Variants in RTTN observed in about 807,000 individuals in gnomAD.
RTTN encodes rotatin.
A neutral mutation model predicts 269.2 loss-of-function variants in RTTN; 182 were observed. The ratio of observed to expected loss-of-function variants is 0.68; its 90% CI spans 0.60 to 0.76. The LOEUF is 0.76. Ranked by LOEUF, RTTN falls within the 30% of genes least tolerant of loss-of-function variation. The pLI is 0.00. For missense variants in RTTN, 2,545 were observed against 2,608.6 expected, an observed-to-expected ratio of 0.98 and a Z score of 0.53; for synonymous variants, 1,006 against 963.5, an observed-to-expected ratio of 1.04 and a Z score of -0.82.
chr18:70,169,008 C>T lies in RTTN; in HGVS notation c.1536G>A (p.Met512Ile), dbSNP rs2061065223. The change falls in exon 12 of 49, where the codon ATG becomes ATA. Residue 512 changes from methionine to isoleucine, a missense_variant. Physicochemically the swap from Met to Ile is conservative, Grantham distance 10. Coordinates refer to ENST00000640769, the MANE Select transcript of RTTN (RefSeq NM_173630.4). ...STALFLLSLD[M>I]PISLEYPNIH... The stretch of plus-strand genomic sequence containing the variant: ...TATTTGGATATTCCAAAGAAATAGG[C>T]ATGTCCAAAGAAAGGAGAAATAATG... 6.2e-7 allele frequency: 1 copy of T among 1,612,700 alleles called. No individual in the cohort carries two copies. The highest frequency in any genetic ancestry group is 1.7e-5 in the Admixed American group (1 of 59,954).
At chr18:70,139,259 C>T (rs1012666502) in intron 21 of RTTN, among the ~76,000 whole-genome samples, 6 of 151,960 alleles carry the variant, frequency 3.9e-5, no homozygotes, top group South Asian at 2.1e-4. Context: ...ACAAGAAAGA[C>T]GAAAGAGATA....
intron 36 of RTTN, among the ~76,000 whole-genome samples, chr18:70,059,448 G>T (rs1440359806): frequency 6.6e-6 from 1 of 152,010 alleles, no homozygotes; most frequent in Admixed American, 6.6e-5. Context: ...AACTCCAAAT[G>T]AATTTAACCA....
chr18:70,027,587 G>C (rs76788521), intron 43 of RTTN, among the ~76,000 whole-genome samples: 2,952 of 152,084 alleles, frequency 0.019, 94 homozygotes, highest in African/African-American at 0.066. Context: ...CCCTGAATAA[G>C]GTGTCATGAA....
At chr18:70,137,584 C>T (rs961296233) in intron 21 of RTTN, among the ~76,000 whole-genome samples, 10 of 152,218 alleles carry the variant, frequency 6.6e-5, no homozygotes, top group African/African-American at 2.4e-4. Context: ...TTCCCCTTCA[C>T]TCCACACTCC....
chr18:70,007,409 T>G (rs895339464), intron 46 of RTTN: 1 of 152,014 alleles, frequency 6.6e-6, no homozygotes, highest in African/African-American at 2.4e-5. Context: ...TGAGACAGAG[T>G]TGTTCAGTCC....
intron 21 of RTTN, among the ~76,000 whole-genome samples, chr18:70,138,035 T>C (rs148739911): frequency 0.066 from 10,084 of 152,168 alleles, 648 homozygotes; most frequent in African/African-American, 0.16. Context: ...TCCCAGCACT[T>C]TGGGAGGCCA....
chr18:70,113,335 TA>T (rs1423321592), intron 27 of RTTN, among the ~76,000 whole-genome samples: 1 of 151,920 alleles, frequency 6.6e-6, no homozygotes, highest in Non-Finnish European at 1.5e-5. Flanking sequence ...GAAATGCAAA[TA>T]AAAACCAAAA....
intron 28 of RTTN, among the ~76,000 whole-genome samples, chr18:70,094,480 T>C (rs753644933): frequency 4.6e-5 from 7 of 152,234 alleles, no homozygotes; most frequent in Non-Finnish European, 8.8e-5. Context: ...TCTGGTATAT[T>C]GTGTCTTTGT....
intron 18 of RTTN, among the ~76,000 whole-genome samples, chr18:70,144,449 T>C (rs1264818022): frequency 6.6e-6 from 1 of 152,208 alleles, no homozygotes; most frequent in Non-Finnish European, 1.5e-5. Flanking sequence ...AGTCCCTTAC[T>C]GTCACTTCAT....
intron 35 of RTTN, 66 bp from the exon 36 acceptor site, chr18:70,060,108 C>A: frequency 7.8e-7 from 1 of 1,275,736 alleles, no homozygotes. Context: ...CTCAAAAGTT[C>A]TTATAATCAT....
chr18:70,075,637 C>G, intron 32 of RTTN, 96 bp from the exon 33 acceptor site: 1 of 889,246 alleles, frequency 1.1e-6, no homozygotes, highest in South Asian at 2.2e-5. Flanking sequence ...CAAATGGGTC[C>G]CAGATGCTCC....
chr18:70,092,643 T>A, intron 29 of RTTN, 33 bp downstream of exon 29: 3 of 1,594,340 alleles, frequency 1.9e-6, no homozygotes, highest in Non-Finnish European at 1.7e-6. Context: ...TTCAAGCAAA[T>A]GTTCAGAAGA....
At chr18:70,090,076 G>A (rs1599478917) in intron 30 of RTTN, among the ~76,000 whole-genome samples, 1 of 152,292 alleles carries the variant, frequency 6.6e-6, no homozygotes, top group East Asian at 1.9e-4. Flanking sequence ...CTCAGCAGAA[G>A]CCAGGAATAG....
chr18:70,061,095 CT>C (rs2057971965), intron 35 of RTTN, among the ~76,000 whole-genome samples: 3 of 151,458 alleles, frequency 2.0e-5, no homozygotes, highest in Admixed American at 6.6e-5. Context: ...CTTTTTTTTT[CT>C]TTTAGATATA....
At chr18:70,171,406 A>T (rs766455749) in intron 11 of RTTN, among the ~76,000 whole-genome samples, 1 of 152,214 alleles carries the variant, frequency 6.6e-6, no homozygotes, top group Non-Finnish European at 1.5e-5. Context: ...CATTAAGCAG[A>T]GCATATGGCA....
chr18:70,012,532 C>T (rs2056417152), intron 46 of RTTN, among the ~76,000 whole-genome samples: 1 of 151,198 alleles, frequency 6.6e-6, no homozygotes, highest in East Asian at 1.9e-4. Flanking sequence ...CGTCTGCTCA[C>T]TGGTGTTAGA....
intron 5 of RTTN, among the ~76,000 whole-genome samples, chr18:70,198,901 C>A (rs2061880597): frequency 1.3e-5 from 2 of 152,126 alleles, no homozygotes; most frequent in Admixed American, 6.5e-5. Flanking sequence ...CAAAAAGAAA[C>A]GTGGGCCAAA....
intron 26 of RTTN, among the ~76,000 whole-genome samples, chr18:70,119,267 G>C (rs1473151575): frequency 6.6e-6 from 1 of 151,446 alleles, no homozygotes. Flanking sequence ...AAAATCAGTA[G>C]CATTTCTATA....
At chr18:70,006,178 C>A in intron 47 of RTTN, 1 of 460,288 alleles carries the variant, frequency 2.2e-6, no homozygotes, top group Non-Finnish European at 3.9e-6. Flanking sequence ...TAAACTGAGA[C>A]ATTCTGTTGA....
Sources: gnomAD v4.1 joint callset for allele counts (sites outside exome capture counted in the v4.1 genomes callset) on GRCh38, gnomAD v4.1.1 for gene constraint, MANE v1.5 for transcripts, NCBI Gene and HGNC (gene_info 2026-07-23, HGNC 2026-07-21) for gene names.